Variants in HIF3A observed in about 807,000 individuals in gnomAD.
HIF3A encodes hypoxia inducible factor 3 subunit alpha, also known as hypoxia-inducible factor 3-alpha.
HIF3A carries 41 observed loss-of-function variants against 67.2 expected under a neutral mutation model. That is an observed-to-expected ratio of 0.61 (90% CI 0.48 to 0.79). The LOEUF (loss-of-function observed/expected upper bound fraction) is 0.79. HIF3A is among the 30% of genes least tolerant of loss of function. The pLI, the probability that HIF3A is intolerant of heterozygous loss-of-function variation, is 0.00. For synonymous variants in HIF3A, 356 were observed against 374.8 expected (o/e 0.95, Z 0.58); for missense variants, 855 against 898.0 (o/e 0.95, Z 0.61).
At chr19:46,319,485 T>C (rs1970191206) in intron 8 of HIF3A, among the ~76,000 whole-genome samples, 1 of 152,098 alleles carries the variant, frequency 6.6e-6, no homozygotes, top group Admixed American at 6.6e-5. Context: ...AGCCAGAGAC[T>C]GTGTGAAGGG....
rs1954918951 is a variant in HIF3A, at chr19:46,341,002, C to T, written c.*1380C>T. The T allele has an allele frequency of 6.6e-6, 1 of 152,162 alleles. No homozygotes were observed. The highest frequency in any genetic ancestry group is 6.6e-5 in the Admixed American group (1 of 15,256). The allele number at this position is 152,162 out of a possible 1,614,324, so 9.4% of individuals were successfully genotyped here. Reference sequence around the variant, plus strand: ...TTTGGTTCTAGAATTCACTAACTTCCTCTGGTTCTAGACCTCTTCCTATAA... The same window carrying T: ...TTTGGTTCTAGAATTCACTAACTTCTTCTGGTTCTAGACCTCTTCCTATAA... On this transcript the variant is annotated 3_prime_UTR_variant, in exon 15 of 15. Coordinates refer to ENST00000377670, the MANE Select transcript of HIF3A (RefSeq NM_152795.4).
rs1204977954 is a variant in HIF3A at position 46,341,072 on chromosome 19, G to A, written c.*1450G>A. ...GATCTCACACCCTCCAACGCCCTCC[G>A]GTTCCAGATCTTATATTCAGTGATT... On this transcript the variant is annotated 3_prime_UTR_variant, in exon 15 of 15. Transcript: ENST00000377670. 1.3e-5 allele frequency: 2 copies of A among 151,936 alleles called. No individual in the cohort carries two copies. Among genetic ancestry groups the A allele is most frequent in the Non-Finnish European group, 2.9e-5 (2 of 68,026 alleles). The allele number at this position is 151,936 out of a possible 1,614,324, so 9.4% of individuals were successfully genotyped here.
rs118074404 is a variant in HIF3A, at chr19:46,340,366, C to T, written c.*744C>T. On this transcript the variant is annotated 3_prime_UTR_variant, in exon 15 of 15. Transcript: ENST00000377670. ...TGCTTCCAAACTATGCAACCTCCAA[C>T]CTGCTCCAGTTCCAGACTGTATAAC... 6.5e-6 allele frequency: 1 copy of T among 152,780 alleles called. No homozygotes were observed. The highest frequency in any genetic ancestry group is 1.5e-5 in the Non-Finnish European group (1 of 68,464). 9.5% of individuals were successfully genotyped at this position (152,780 alleles called of 1,614,324 possible).
At chr19:46,313,106 C>T in intron 8 of HIF3A, 1 of 645,490 alleles carries the variant, frequency 1.5e-6, no homozygotes, top group Non-Finnish European at 1.9e-6. Flanking sequence ...CAAAAATTAG[C>T]CGGGTGTGGT....
rs1568556736 is a variant in HIF3A, at chr19:46,341,633, C to CTTTTTTTTTT, written c.*2011_*2012insTTTTTTTTTT. The CTTTTTTTTTT allele has an allele frequency of 4.7e-5, 7 of 149,974 alleles. No individual in the cohort carries two copies. Among genetic ancestry groups the CTTTTTTTTTT allele is most frequent in the African/African-American group, 1.5e-4 (6 of 39,908 alleles). 9.3% of individuals were successfully genotyped at this position (149,974 alleles called of 1,614,324 possible). A position where few individuals can be genotyped will look rare whatever the true frequency, so the allele number is the denominator to read the frequency against. On this transcript the variant is annotated 3_prime_UTR_variant, in exon 15 of 15. Coordinates refer to ENST00000377670, the MANE Select transcript of HIF3A (RefSeq NM_152795.4). ...TTGATGTGTTTATCTCTTTTTTCTT[C>CTTTTTTTTTT]CTCTTCTTTTTTTTTTTTTTCTTTT...
intron 11 of HIF3A, among the ~76,000 whole-genome samples, chr19:46,326,330 A>C (rs1970776884): frequency 6.6e-6 from 1 of 152,218 alleles, no homozygotes; most frequent in Admixed American, 6.5e-5. Flanking sequence ...AGAAGTAGAG[A>C]GATAGAAAGT....
At chr19:46,332,976 C>T (rs1379266860) in intron 13 of HIF3A, among the ~76,000 whole-genome samples, 1 of 149,410 alleles carries the variant, frequency 6.7e-6, no homozygotes, top group Non-Finnish European at 1.5e-5. Context: ...GGTGAAACTC[C>T]CTCTCAGAAA....
At chr19:46,318,931 A>T (rs150893926) in intron 8 of HIF3A, among the ~76,000 whole-genome samples, 1 of 152,178 alleles carries the variant, frequency 6.6e-6, no homozygotes, top group East Asian at 1.9e-4. Context: ...TAATTTTAAC[A>T]ATACATTTTA....
chr19:46,315,921 T>TA (rs943185786), intron 8 of HIF3A, among the ~76,000 whole-genome samples: 35 of 139,250 alleles, frequency 2.5e-4, no homozygotes, highest in African/African-American at 7.6e-4. Context: ...CTCAAAAAAT[T>TA]AAAAAAAAGA....
Position 46,297,990 on chromosome 19 carries a change from G to T in HIF3A, c.26+888G>T, listed in dbSNP as rs1044934592. ...AGAGGGTGGGTTTCTGGGTTCACTT[G>T]CCCAGCAGGTGCAGCTCTGCTGGAA... On this transcript the variant is annotated intron_variant, in intron 1 of 14. Transcript: ENST00000377670. This position sits in a 1 kb window ranked among gnomAD's most constrained non-coding sequence, Gnocchi z 4.5. 6.6e-6 allele frequency among the ~76,000 whole-genome samples: 1 copy of T among 152,118 alleles called. No individual in the cohort carries two copies. Among genetic ancestry groups the T allele is most frequent in the Non-Finnish European group, 1.5e-5 (1 of 68,018 alleles).
chr19:46,332,057 A>G (rs1971272428), intron 13 of HIF3A, among the ~76,000 whole-genome samples: 1 of 152,068 alleles, frequency 6.6e-6, no homozygotes, highest in Non-Finnish European at 1.5e-5. Context: ...ACCTGGGTTC[A>G]AGTCCCAGGT....
chr19:46,313,924 AGT>A (rs1969702934), intron 8 of HIF3A, among the ~76,000 whole-genome samples: 1 of 151,922 alleles, frequency 6.6e-6, no homozygotes, highest in Non-Finnish European at 1.5e-5. Flanking sequence ...AGCCTCCCAA[AGT>A]GTTGGGATTA....
intron 10 of HIF3A, among the ~76,000 whole-genome samples, chr19:46,324,957 T>A (rs4803931): frequency 2.0e-4 from 27 of 136,958 alleles, no homozygotes; most frequent in Non-Finnish European, 2.9e-4. Context: ...TATATATATA[T>A]ACACATACAC....
At chr19:46,331,343 A>G in intron 13 of HIF3A, 70 bp downstream of exon 13, 2 of 1,262,944 alleles carry the variant, frequency 1.6e-6, no homozygotes, top group African/African-American at 1.5e-5. Flanking sequence ...TGTTTTATAG[A>G]TAGGAAACCA....
At position 46,303,959 on chromosome 19, in the gene HIF3A, G is replaced by T; in HGVS notation, c.88G>T (p.Glu30Ter). ...RDAARSRRSQ[E>*]TEVLYQLAHT... ...TGCGGCCCGCAGCCGGCGCAGCCAG[G>T]AGACCGAGGTGCTGTACCAGCTGGC... The change falls in exon 2 of 15, where the codon GAG (glutamate) becomes TAG (stop). Residue 30 changes from glutamate to a stop codon, truncating the protein, a stop_gained. Transcript: ENST00000377670. LOFTEE classifies it high-confidence loss of function. 1.2e-6 allele frequency: 2 copies of T among 1,605,798 alleles called. No individual in the cohort carries two copies. Among genetic ancestry groups the T allele is most frequent in the Non-Finnish European group, 1.7e-6 (2 of 1,176,818 alleles).
At position 46,312,882 on chromosome 19, in the gene HIF3A, A is replaced by ATTTTTTTTT. The variant is rs531816670; in HGVS notation, c.1025+250_1025+258dup. ...ATGTGTATGGGTGTGTAGACTGTTA[A>ATTTTTTTTT]TTTTTTTTTTTTTTTTTTTTTTTTT... is the stretch of plus-strand genomic sequence containing the variant. On this transcript the variant is annotated intron_variant, in intron 8 of 14. Transcript: ENST00000377670. The ATTTTTTTTT allele has an allele frequency of 4.8e-4, 421 of 877,344 alleles. 2 individuals carry two copies. The highest frequency in any genetic ancestry group is 4.9e-4 in the Non-Finnish European group (379 of 765,874). 54.3% of individuals were successfully genotyped at this position (877,344 alleles called of 1,614,324 possible).
chr19:46,328,540 T>C (rs1475386841), intron 11 of HIF3A, among the ~76,000 whole-genome samples: 1 of 152,200 alleles, frequency 6.6e-6, no homozygotes, highest in Non-Finnish European at 1.5e-5. Flanking sequence ...TCACCTCGTG[T>C]ATTTGTTATA....
chr19:46,298,586 G>A (rs945312378), intron 1 of HIF3A: 8 of 1,125,030 alleles, frequency 7.1e-6, no homozygotes, highest in Non-Finnish European at 9.2e-6. Context: ...TCCCACTGTG[G>A]CCAAGGATGC....
Position 46,305,257 on chromosome 19 carries a change from A to G in HIF3A, c.230A>G (p.Gln77Arg). Reference protein sequence around the residue: ...HRLCAAGEWNQVGAGGEPLDA... With the variant: ...HRLCAAGEWNRVGAGGEPLDA... ...CCCCGGGCACCAGGGGAGTGGAACCAGGTGGGAGCAGGGGGAGAACCACTG... is the reference window on the plus strand; with the variant it reads ...CCCCGGGCACCAGGGGAGTGGAACCGGGTGGGAGCAGGGGGAGAACCACTG... The change falls in exon 3 of 15, where the codon CAG becomes CGG. Residue 77 changes from glutamine (Q) to arginine (R), a missense_variant. Physicochemically the swap from Gln to Arg is conservative, Grantham distance 43. This residue lies in a region of HIF3A where 638 missense variants were observed against 660.5 expected (regional missense o/e 0.97). Coordinates refer to ENST00000377670, the MANE Select transcript of HIF3A (RefSeq NM_152795.4). 1 of 1,614,014 alleles carries G rather than the reference A, an allele frequency of 6.2e-7. No individual in the cohort carries two copies. Among genetic ancestry groups the G allele is most frequent in the Non-Finnish European group, 8.5e-7 (1 of 1,180,014 alleles).
Sources: allele counts gnomAD v4.1 joint callset (sites outside exome capture counted in the v4.1 genomes callset), GRCh38; gene constraint gnomAD v4.1.1; regional missense constraint gnomAD v4.1.1; non-coding constraint Gnocchi (gnomAD v3.1); transcripts MANE v1.5; gene names NCBI Gene and HGNC (gene_info 2026-07-23, HGNC 2026-07-21).